ORC2: variants seen among roughly 807,000 people sequenced by gnomAD.
ORC2 encodes origin recognition complex subunit 2.
Under a neutral mutation model 77.7 loss-of-function variants are expected in ORC2, and 37 were observed. The observed-to-expected ratio is 0.48, with a 90% CI of 0.37 to 0.63. The LOEUF (loss-of-function observed/expected upper bound fraction) is 0.63. Among genes scored for constraint, ORC2 ranks in the 20% least tolerant of loss-of-function variants. The pLI is 0.00. For synonymous variants in ORC2, 201 were observed against 229.5 expected (o/e 0.88, Z 1.12); for missense variants, 557 against 661.9 (o/e 0.84, Z 1.74).
chr2:200,935,136 A>T (rs2041013496), intron 9 of ORC2, among the ~76,000 whole-genome samples: 1 of 152,020 alleles, frequency 6.6e-6, no homozygotes, highest in Admixed American at 6.6e-5. Context: ...TTATTTATTT[A>T]TTTTTGAGAC....
At chr2:200,955,529 T>A (rs1390189710) in intron 4 of ORC2, among the ~76,000 whole-genome samples, 1 of 152,234 alleles carries the variant, frequency 6.6e-6, no homozygotes, top group Non-Finnish European at 1.5e-5. Context: ...TGAATTGAGC[T>A]AAATTGACTC....
At position 200,942,737 on chromosome 2, in the gene ORC2, GAATGA is replaced by G; in HGVS notation, c.364_368del (p.Ser122GlnfsTer5). On this transcript the variant is annotated frameshift_variant, in exon 6 of 18. Transcript: ENST00000234296. LOFTEE classifies it high-confidence loss of function. Reference sequence around the variant, plus strand: ...TAATCTCAGGATCATTCTTCAAACTGAATGAAACACTTTTTTGTGGTGTTTTTGCT... The same window carrying G: ...TAATCTCAGGATCATTCTTCAAACTGAACACTTTTTTGTGGTGTTTTTGCT... 1 of 1,610,416 alleles carries G rather than the reference GAATGA, an allele frequency of 6.2e-7. No individual in the cohort carries two copies. The highest frequency in any genetic ancestry group is 8.5e-7 in the Non-Finnish European group (1 of 1,178,012).
intron 12 of ORC2, 69 bp downstream of exon 12, chr2:200,926,699 C>T: frequency 2.0e-6 from 3 of 1,512,160 alleles, no homozygotes; most frequent in African/African-American, 1.4e-5. Flanking sequence ...ATACTCCATC[C>T]TCATTTATGT....
chr2:200,934,493 G>GGTTTTT (rs1553496782), intron 9 of ORC2, among the ~76,000 whole-genome samples: 1 of 123,532 alleles, frequency 8.1e-6, no homozygotes, highest in African/African-American at 2.9e-5. Flanking sequence ...TTTTTAAATT[G>GGTTTTT]TTTTTTTTTT....
intron 1 of ORC2, among the ~76,000 whole-genome samples, chr2:200,962,410 T>A (rs747400601): frequency 6.6e-6 from 1 of 152,194 alleles, no homozygotes; most frequent in Non-Finnish European, 1.5e-5. Flanking sequence ...CATAATCCTT[T>A]GAAAAAGAAG....
At position 200,926,900 on chromosome 2, in the gene ORC2, G is replaced by A. The variant is rs370388493; in HGVS notation, c.918C>T (p.His306=). The change falls in exon 12 of 18, where the codon CAC becomes CAT. Residue 306 remains histidine (H), a splice_region_variant and synonymous_variant. Coordinates refer to ENST00000234296, the MANE Select transcript of ORC2 (RefSeq NM_006190.5). ...KLFHKWMLQL[H]LGFNIVLYGL... ...CATAAAGCACAATGTTGAACCCAAG[G>A]CTGTTAGGAAAGACAGTATTCATGA... The A allele has an allele frequency of 2.0e-5, 32 of 1,613,206 alleles. No homozygotes were observed. The highest frequency in any genetic ancestry group is 2.5e-5 in the Non-Finnish European group (29 of 1,179,600).
intron 5 of ORC2, among the ~76,000 whole-genome samples, 169 bp downstream of exon 5, chr2:200,949,385 G>A (rs1436314419): frequency 2.6e-5 from 4 of 152,062 alleles, no homozygotes; most frequent in African/African-American, 9.7e-5. Flanking sequence ...ACTTAATTGT[G>A]CTTAATATAA....
At chr2:200,931,586 G>A (rs1575164195) in intron 10 of ORC2, 138 bp from the exon 11 acceptor site, 2 of 446,780 alleles carry the variant, frequency 4.5e-6, no homozygotes, top group Admixed American at 4.2e-5. Context: ...TTGGCAATGA[G>A]TATATCAACC....
chr2:200,958,167 G>A (rs2041506527), intron 2 of ORC2, 34 bp from the exon 3 acceptor site: 1 of 1,227,128 alleles, frequency 8.1e-7, no homozygotes, highest in East Asian at 2.3e-5. Flanking sequence ...CAAAAGTGAT[G>A]AAGAATTCAT....
intron 8 of ORC2, among the ~76,000 whole-genome samples, chr2:200,937,246 TG>T (rs1417809571): frequency 6.6e-6 from 1 of 152,186 alleles, no homozygotes; most frequent in African/African-American, 2.4e-5. Flanking sequence ...ACATAAGACA[TG>T]GGATATAGTT....
chr2:200,931,076 C>A (rs935060670), intron 11 of ORC2, among the ~76,000 whole-genome samples: 1 of 151,746 alleles, frequency 6.6e-6, no homozygotes, highest in Non-Finnish European at 1.5e-5. Context: ...TAACATAATT[C>A]TAAGAAATGC....
At chr2:200,952,867 T>C (rs571698844) in intron 4 of ORC2, among the ~76,000 whole-genome samples, 2 of 151,202 alleles carry the variant, frequency 1.3e-5, no homozygotes, top group East Asian at 3.9e-4. Context: ...TCTCAGCACT[T>C]TGGATAGGCT....
chr2:200,943,963 T>A (rs1023145776), intron 5 of ORC2, among the ~76,000 whole-genome samples: 3 of 152,120 alleles, frequency 2.0e-5, no homozygotes, highest in African/African-American at 7.2e-5. Context: ...TCCTTGCTCT[T>A]CTCTTTATGT....
chr2:200,949,502 T>A, intron 5 of ORC2, 52 bp downstream of exon 5: 1 of 980,064 alleles, frequency 1.0e-6, no homozygotes, highest in Non-Finnish European at 1.6e-6. Flanking sequence ...TGTGGTTAAA[T>A]CTACCTTAGG....
chr2:200,929,056 AT>A (rs2040893295), intron 11 of ORC2, among the ~76,000 whole-genome samples: 1 of 151,932 alleles, frequency 6.6e-6, no homozygotes, highest in African/African-American at 2.4e-5. Flanking sequence ...CGTTCAAGCA[AT>A]TCTCCTGCCT....
At chr2:200,917,284 C>T (rs1204522946) in intron 15 of ORC2, among the ~76,000 whole-genome samples, 4 of 152,038 alleles carry the variant, frequency 2.6e-5, no homozygotes, top group African/African-American at 9.7e-5. Flanking sequence ...CATGAGCCAC[C>T]GCGCCCAGCC....
rs2040991797 is a variant in ORC2 at position 200,934,123 on chromosome 2, C to A, written c.709-149G>T. ...TAAAGCAACAGTACCAGTTAAGGACCAAGCATATTTAATTTCAGTAATAAA... is the reference window on the plus strand; with the variant it reads ...TAAAGCAACAGTACCAGTTAAGGACAAAGCATATTTAATTTCAGTAATAAA... On this transcript the variant is annotated intron_variant, in intron 9 of 17. Transcript: ENST00000234296. 8 of 471,908 alleles carry A rather than the reference C, an allele frequency of 1.7e-5. No individual in the cohort carries two copies. The South Asian group carries it at 3.3e-4, about 20-fold the overall frequency. The allele number at this position is 471,908 out of a possible 1,614,324, so 29.2% of individuals were successfully genotyped here. A position where few individuals can be genotyped will look rare whatever the true frequency, so the allele number is the denominator to read the frequency against.
In ORC2 at chr2:200,942,848, C is replaced by T. The variant is rs879680741; in HGVS notation, c.329-71G>A. Reference sequence around the variant, plus strand: ...GATAAAGAGGGAAATAACCTTATTACGCTTACAAAAATTCTTTAAAAACCT... The same window carrying T: ...GATAAAGAGGGAAATAACCTTATTATGCTTACAAAAATTCTTTAAAAACCT... On this transcript the variant is annotated intron_variant, in intron 5 of 17. Coordinates refer to ENST00000234296, the MANE Select transcript of ORC2 (RefSeq NM_006190.5). 1.7e-4 allele frequency: 143 copies of T among 848,536 alleles called. No individual in the cohort carries two copies. In the Middle Eastern group the frequency reaches 1.8e-3, roughly 11 times the overall value. 52.6% of individuals were successfully genotyped at this position (848,536 alleles called of 1,614,324 possible).
intron 1 of ORC2, among the ~76,000 whole-genome samples, chr2:200,962,479 C>A (rs1471305866): frequency 6.6e-6 from 1 of 152,230 alleles, no homozygotes; most frequent in African/African-American, 2.4e-5. Context: ...GAGTTCCAAT[C>A]TCCACTCCAT....
Sources: allele counts gnomAD v4.1 joint callset (sites outside exome capture counted in the v4.1 genomes callset), GRCh38; gene constraint gnomAD v4.1.1; transcripts MANE v1.5; gene names NCBI Gene and HGNC (gene_info 2026-07-23, HGNC 2026-07-21).